Variants in PDE1A observed in about 807,000 individuals in gnomAD.
The protein encoded by PDE1A is dual specificity calcium/calmodulin-dependent 3',5'-cyclic nucleotide phosphodiesterase 1A.
In PDE1A, 35 loss-of-function variants were observed where a neutral mutation model predicts 61.7. That is an observed-to-expected ratio of 0.57 (90% CI 0.43 to 0.75). The LOEUF (loss-of-function observed/expected upper bound fraction) is 0.75, where lower values mean the gene tolerates loss of function less well. Ranked by LOEUF, PDE1A falls within the 30% of genes least tolerant of loss-of-function variation. The pLI, the probability that PDE1A is intolerant of heterozygous loss-of-function variation, is 0.00. For missense variants in PDE1A, 597 were observed against 630.6 expected (o/e 0.95, Z 0.57); for synonymous variants, 232 against 213.2 (o/e 1.09, Z -0.77).
rs1181311557 is a variant in PDE1A at position 182,245,680 on chromosome 2, T to TTGA, written c.168-5391_168-5389dup. ...ATTTTTCTCCATGTCTTTTCATGGC[T>TTGA]TGATAGCTAATTTCTTTATATTGCT... On this transcript the variant is annotated intron_variant, in intron 2 of 13. Coordinates refer to ENST00000351439, the Ensembl canonical transcript of PDE1A. Among the ~76,000 whole-genome samples the TTGA allele has an allele frequency of 4.6e-5, 7 of 150,866 alleles. No individual in the cohort carries two copies. In the East Asian group the frequency reaches 1.4e-3, roughly 30 times the overall value.
the PDE1A span, among the ~76,000 whole-genome samples, chr2:182,547,513 T>C: frequency 1.3e-5 from 2 of 152,250 alleles, no homozygotes; most frequent in African/African-American, 2.4e-5. Context: ...TTCGTGTAAG[T>C]TGTTTTTATT....
At chr2:182,455,407 G>T (rs1179129819) in intron 2 of PDE1A, among the ~76,000 whole-genome samples, 1 of 151,794 alleles carries the variant, frequency 6.6e-6, no homozygotes, top group South Asian at 2.1e-4. Context: ...CCATTACTGG[G>T]TATATATCCA....
the PDE1A span, among the ~76,000 whole-genome samples, chr2:182,615,294 T>C: frequency 1.2e-4 from 18 of 152,310 alleles, no homozygotes; most frequent in East Asian, 2.7e-3. Context: ...TATGATGGCA[T>C]ATCTTTGCAA....
rs776201196 is a variant in PDE1A at position 182,201,510 on chromosome 2, T to C, written c.1054A>G (p.Ser352Gly). The C allele has an allele frequency of 2.5e-6, 4 of 1,613,986 alleles. No homozygotes were observed. The highest frequency in any genetic ancestry group is 1.7e-6 in the Non-Finnish European group (2 of 1,180,006). Residue 352 changes from serine to glycine, a missense_variant, in exon 10 of 14, where the codon AGC becomes GGC. Physicochemically the swap from Ser to Gly is moderately conservative, Grantham distance 56 (BLOSUM62 0). Transcript: ENST00000351439. ...AGCTTCCAGGATTTGGCTGGGTGGC[T>C]GATGTCTGCTGCGTGGAGAATCAGG...
At chr2:182,632,564 T>C in the PDE1A span, among the ~76,000 whole-genome samples, 1 of 152,112 alleles carries the variant, frequency 6.6e-6, no homozygotes, top group African/African-American at 2.4e-5. Flanking sequence ...ATACTCTCTT[T>C]CTACCTTAAA....
intron 2 of PDE1A, among the ~76,000 whole-genome samples, chr2:182,516,705 GAA>G (rs1491269356): frequency 3.7e-4 from 11 of 29,524 alleles, no homozygotes; most frequent in African/African-American, 2.0e-3. Flanking sequence ...AGGAAGGGAG[GAA>G]GGAAGGAAGG....
chr2:182,361,140 G>T (rs1488131815), intron 1 of PDE1A, among the ~76,000 whole-genome samples: 1 of 152,112 alleles, frequency 6.6e-6, no homozygotes. Flanking sequence ...GTGAGTGATA[G>T]TGTAAAGATC....
chr2:182,569,710 T>C, the PDE1A span, among the ~76,000 whole-genome samples: 16 of 152,308 alleles, frequency 1.1e-4, no homozygotes, highest in African/African-American at 3.6e-4. Flanking sequence ...AAAACTGAAG[T>C]TCAGCAATTG....
intron 13 of PDE1A, among the ~76,000 whole-genome samples, chr2:182,184,391 A>G (rs1285430226): frequency 2.0e-5 from 3 of 152,142 alleles, no homozygotes; most frequent in Non-Finnish European, 4.4e-5. Context: ...TTTGGCCAAC[A>G]CTATCAGAAA....
intron 1 of PDE1A, among the ~76,000 whole-genome samples, chr2:182,266,814 T>C (rs549351793): frequency 3.3e-4 from 50 of 152,212 alleles, no homozygotes; most frequent in African/African-American, 1.1e-3. Context: ...ATAAATGACC[T>C]GGCAAAAGAA....
the PDE1A span, among the ~76,000 whole-genome samples, chr2:182,673,261 AATTTCAAGTTTTGAT>A: frequency 3.9e-5 from 6 of 152,214 alleles, no homozygotes; most frequent in Admixed American, 2.0e-4. Flanking sequence ...CTGAGCTTAA[AATTTCAAGTTTTGAT>A]ATTGTCTTCA....
intron 2 of PDE1A, among the ~76,000 whole-genome samples, chr2:182,475,855 A>G (rs1348677169): frequency 1.3e-5 from 2 of 151,954 alleles, no homozygotes; most frequent in Non-Finnish European, 2.9e-5. Context: ...AAAATGTTAT[A>G]CAATGAATTT....
At chr2:182,560,970 G>A in the PDE1A span, among the ~76,000 whole-genome samples, 1 of 151,344 alleles carries the variant, frequency 6.6e-6, no homozygotes, top group Admixed American at 6.6e-5. Flanking sequence ...TTGGTCAGAT[G>A]AGTTGGTTGC....
intron 2 of PDE1A, among the ~76,000 whole-genome samples, chr2:182,497,998 A>G (rs1688819972): frequency 6.8e-6 from 1 of 146,180 alleles, no homozygotes; most frequent in Admixed American, 7.0e-5. Context: ...ATGAGCCGAG[A>G]TCGCGCCACT....
chr2:182,498,913 A>C (rs1462323513), intron 2 of PDE1A, among the ~76,000 whole-genome samples: 1 of 151,884 alleles, frequency 6.6e-6, no homozygotes, highest in African/African-American at 2.4e-5. Context: ...ACTGCACTCC[A>C]GCCTGGGCGA....
intron 1 of PDE1A, among the ~76,000 whole-genome samples, chr2:182,413,574 T>C (rs774638300): frequency 6.6e-6 from 1 of 152,200 alleles, no homozygotes; most frequent in African/African-American, 2.4e-5. Flanking sequence ...CTGTCCTTAA[T>C]AGTTTTCAAC....
At chr2:182,372,617 C>T (rs1385702118) in intron 1 of PDE1A, among the ~76,000 whole-genome samples, 4 of 152,130 alleles carry the variant, frequency 2.6e-5, no homozygotes, top group Non-Finnish European at 5.9e-5. Context: ...AAACAAATTT[C>T]ACCCCCTAGT....
intron 1 of PDE1A, among the ~76,000 whole-genome samples, chr2:182,424,104 C>T (rs1387027565): frequency 1.3e-5 from 2 of 152,082 alleles, no homozygotes; most frequent in Non-Finnish European, 2.9e-5. Context: ...ACCACCACAC[C>T]TGGCTAATTT....
chr2:182,527,834 A>G (rs2125996948), upstream of PDE1A, among the ~76,000 whole-genome samples: 1 of 152,154 alleles, frequency 6.6e-6, no homozygotes, highest in South Asian at 2.1e-4. Flanking sequence ...AATAAGTCTC[A>G]TGAGATCTCA....
Sources: allele counts gnomAD v4.1 joint callset (sites outside exome capture counted in the v4.1 genomes callset), GRCh38; gene constraint gnomAD v4.1.1; transcripts MANE v1.5; gene names NCBI Gene and HGNC (gene_info 2026-07-23, HGNC 2026-07-21).